Variants in SVEP1 observed in about 807,000 individuals in gnomAD.
SVEP1 encodes the protein sushi, von Willebrand factor type A, EGF and pentraxin domain containing 1, also known as sushi, von Willebrand factor type A, EGF and pentraxin domain-containing protein 1.
In SVEP1, 164 loss-of-function variants were observed where a neutral mutation model predicts 367.3. The observed-to-expected ratio is 0.45, with a 90% CI of 0.39 to 0.51. The LOEUF (loss-of-function observed/expected upper bound fraction) is 0.51, where lower values mean the gene tolerates loss of function less well. SVEP1 is among the 20% of genes least tolerant of loss of function. SVEP1 has a pLI of 0.00. For missense variants in SVEP1, 4,117 were observed against 4,425.3 expected, an observed-to-expected ratio of 0.93 and a Z score of 1.98; for synonymous variants, 1,666 against 1,611.6, an observed-to-expected ratio of 1.03 and a Z score of -0.81.
chr9:110,558,644 G>A (rs1403928336), intron 1 of SVEP1, among the ~76,000 whole-genome samples: 2 of 151,920 alleles, frequency 1.3e-5, no homozygotes, highest in Non-Finnish European at 2.9e-5. Context: ...AGAGAGATGT[G>A]TAAGAGAGGA....
intron 19 of SVEP1, among the ~76,000 whole-genome samples, 167 bp from the exon 20 acceptor site, chr9:110,458,729 C>T (rs547366813): frequency 6.6e-6 from 1 of 152,272 alleles, no homozygotes; most frequent in South Asian, 2.1e-4. Context: ...TACATCATTA[C>T]ATCCTAGACT....
At chr9:110,490,909 T>C (rs1829356988) in intron 8 of SVEP1, among the ~76,000 whole-genome samples, 1 of 152,034 alleles carries the variant, frequency 6.6e-6, no homozygotes, top group Non-Finnish European at 1.5e-5. Context: ...CATTGAAAAT[T>C]GATAAATTTC....
chr9:110,528,156 G>GTGTGTGTGTATATATATATATATA, intron 3 of SVEP1, among the ~76,000 whole-genome samples: 6 of 33,944 alleles, frequency 1.8e-4, no homozygotes, highest in Non-Finnish European at 2.9e-4. Context: ...GTGTGTGTGT[G>GTGTGTGTGTATATATATATATATA]TATATATATA....
At chr9:110,397,311 T>C (rs1012745539) in intron 40 of SVEP1, among the ~76,000 whole-genome samples, 18 of 152,256 alleles carry the variant, frequency 1.2e-4, no homozygotes, top group Non-Finnish European at 1.9e-4. Flanking sequence ...TGCTAAAAAC[T>C]CTGAATAAAT....
chr9:110,562,786 T>C (rs554202160), intron 1 of SVEP1, among the ~76,000 whole-genome samples: 3 of 152,166 alleles, frequency 2.0e-5, no homozygotes, highest in Non-Finnish European at 4.4e-5. Context: ...TGTCCCAGGT[T>C]CAAATGATTC....
chr9:110,578,644 A>G (rs978477615), intron 1 of SVEP1, among the ~76,000 whole-genome samples: 1 of 152,204 alleles, frequency 6.6e-6, no homozygotes, highest in Non-Finnish European at 1.5e-5. Context: ...GGTTAGGTTT[A>G]TATCACTCCA....
chr9:110,503,636 G>C (rs970311892), intron 5 of SVEP1, among the ~76,000 whole-genome samples: 3 of 152,158 alleles, frequency 2.0e-5, no homozygotes, highest in Admixed American at 6.5e-5. Context: ...TGATCGACTT[G>C]GTTCTTAGAC....
At chr9:110,487,126 T>C (rs1475820824) in intron 9 of SVEP1, among the ~76,000 whole-genome samples, 2 of 152,126 alleles carry the variant, frequency 1.3e-5, no homozygotes, top group Non-Finnish European at 2.9e-5. Flanking sequence ...CTGGCTAATT[T>C]TGTATTTTTA....
At chr9:110,459,158 C>A in intron 18 of SVEP1, 45 bp from the exon 19 acceptor site, 1 of 1,569,114 alleles carries the variant, frequency 6.4e-7, no homozygotes, top group Non-Finnish European at 8.7e-7. Context: ...AAGTAACACA[C>A]CCTACATTTG....
Position 110,406,682 on chromosome 9 carries a change from T to C in SVEP1, c.8918A>G (p.Tyr2973Cys). 1 of 1,614,044 alleles carries C rather than the reference T, an allele frequency of 6.2e-7. No homozygotes were observed. The highest frequency in any genetic ancestry group is 1.1e-5 in the South Asian group (1 of 91,084). Residue 2973 changes from tyrosine to cysteine, a missense_variant, in exon 38 of 48, where the codon TAT becomes TGT. Tyr to Cys is a radical substitution (Grantham distance 194). This residue lies in a region of SVEP1 where 1,765 missense variants were observed against 1,781.1 expected (regional missense o/e 0.99). Coordinates refer to ENST00000374469, the MANE Select transcript of SVEP1 (RefSeq NM_153366.4). ...FSFIHGGHIQYQCFPGYKLHG... is the reference protein window; with the variant it reads ...FSFIHGGHIQCQCFPGYKLHG... ...GAGCTTATAACCAGGAAAGCACTGA[T>C]ACTGTATATGGCCCCCATGAATAAA...
At chr9:110,391,569 G>C (rs941740252) in intron 40 of SVEP1, among the ~76,000 whole-genome samples, 1 of 152,082 alleles carries the variant, frequency 6.6e-6, no homozygotes, top group Non-Finnish European at 1.5e-5. Flanking sequence ...ACCATGCCCG[G>C]CCTTGATGTG....
In SVEP1 at chr9:110,393,825, T is replaced by G. The variant is rs554105792; in HGVS notation, c.9823-4238A>C. On this transcript the variant is annotated intron_variant, in intron 40 of 47. Coordinates refer to ENST00000374469, the MANE Select transcript of SVEP1 (RefSeq NM_153366.4). ...AGGCTGGGGGAGGGGTGCCCACCAT[T>G]GCCGAGACTTGATTAGGTAAACAAA... Among the ~76,000 whole-genome samples the G allele has an allele frequency of 1.2e-4, 19 of 152,234 alleles. 1 individual carries two copies. In the South Asian group the frequency reaches 3.3e-3, roughly 27 times the overall value.
rs757549256 is a variant in SVEP1, at chr9:110,445,919, C to G, written c.4381G>C (p.Asp1461His). 1.2e-6 allele frequency: 2 copies of G among 1,613,796 alleles called. No homozygotes were observed. Among genetic ancestry groups the G allele is most frequent in the Non-Finnish European group, 8.5e-7 (1 of 1,179,862 alleles). The stretch of plus-strand genomic sequence containing the variant: ...ATTGGTGTTCCATAGTTCATGTCGT[C>G]AGAGGATTTCATCCAGAAGGTACAG... Reference protein sequence around the residue: ...LTCTFWMKSSDDMNYGTPISY... With the variant: ...LTCTFWMKSSHDMNYGTPISY... Residue 1461 changes from aspartate (D) to histidine (H), a missense_variant, in exon 26 of 48, where the codon GAC becomes CAC. This residue lies in a region of SVEP1 where 2,174 missense variants were observed against 2,494.3 expected (regional missense o/e 0.87). Coordinates refer to ENST00000374469, the MANE Select transcript of SVEP1 (RefSeq NM_153366.4).
intron 1 of SVEP1, among the ~76,000 whole-genome samples, chr9:110,575,468 C>G (rs1485039648): frequency 1.3e-5 from 2 of 152,154 alleles, no homozygotes; most frequent in African/African-American, 4.8e-5. Flanking sequence ...ATCAGGACCT[C>G]ATGAGTATTT....
intron 38 of SVEP1, among the ~76,000 whole-genome samples, chr9:110,405,889 A>G (rs2118487794): frequency 6.6e-6 from 1 of 152,312 alleles, no homozygotes. Flanking sequence ...TAGCTAGAGG[A>G]TCTTGCTGTT....
chr9:110,530,699 G>C (rs1211362297), intron 3 of SVEP1, among the ~76,000 whole-genome samples: 1 of 151,980 alleles, frequency 6.6e-6, no homozygotes, highest in Non-Finnish European at 1.5e-5. Context: ...ACAGTGACCA[G>C]CTAATTTTTG....
In SVEP1 at chr9:110,406,543, C is replaced by T. The variant is rs779040731; in HGVS notation, c.9057G>A (p.Gly3019=). The T allele has an allele frequency of 9.9e-6, 16 of 1,613,628 alleles. No individual in the cohort carries two copies. Among genetic ancestry groups the T allele is most frequent in the Non-Finnish European group, 1.3e-5 (15 of 1,179,764 alleles). The change falls in exon 38 of 48, where the codon GGG becomes GGA. Residue 3019 remains glycine (G), a synonymous_variant. Transcript: ENST00000374469. ...CTGCCTTTCCACAGTCAAAATCTGT[C>T]CCATTGACAGTTCCATATTCAATTA... ...TPVIEYGTVN[G]TDFDCGKAAR...
At chr9:110,443,501 C>T in intron 27 of SVEP1, 44 bp downstream of exon 27, 18 of 1,489,592 alleles carry the variant, frequency 1.2e-5, no homozygotes, top group Non-Finnish European at 1.6e-5. Context: ...AGCAGCATCA[C>T]CTCTAGAGTC....
intron 18 of SVEP1, among the ~76,000 whole-genome samples, chr9:110,464,355 C>T (rs1828904377): frequency 1.3e-5 from 2 of 152,178 alleles, no homozygotes; most frequent in Admixed American, 1.3e-4. Flanking sequence ...AGGTCTCAGA[C>T]TTATATCTAC....
Sources: gnomAD v4.1 joint callset for allele counts (sites outside exome capture counted in the v4.1 genomes callset) on GRCh38, gnomAD v4.1.1 for gene constraint, gnomAD v4.1.1 regional missense constraint, MANE v1.5 for transcripts, NCBI Gene and HGNC (gene_info 2026-07-23, HGNC 2026-07-21) for gene names.